The following BPTF variants were observed in gnomAD, a reference collection of about 807,000 sequenced individuals.
The protein encoded by BPTF is bromodomain PHD finger transcription factor.
In BPTF, 18 loss-of-function variants were observed where a neutral mutation model predicts 292.5. That is an observed-to-expected ratio of 0.06 (90% CI 0.04 to 0.09). The LOEUF (loss-of-function observed/expected upper bound fraction) is 0.09. BPTF is among the 10% of genes least tolerant of loss of function. The probability of loss-of-function intolerance (pLI) is 1.00; values close to 1 mark genes in which losing one functional copy is unlikely to be tolerated. For synonymous variants in BPTF, 1,225 were observed against 1,251.9 expected (o/e 0.98, Z 0.45); for missense variants, 2,726 against 3,498.7 (o/e 0.78, Z 5.57).
At chr17:67,883,351 A>G (rs1299265985) in intron 4 of BPTF, among the ~76,000 whole-genome samples, 1 of 152,184 alleles carries the variant, frequency 6.6e-6, no homozygotes, top group Non-Finnish European at 1.5e-5. Context: ...TTGTGTAGTT[A>G]TGCACAACTT....
chr17:67,928,272 A>G, intron 15 of BPTF, 83 bp from the exon 16 acceptor site: 2 of 1,409,364 alleles, frequency 1.4e-6, no homozygotes, highest in Non-Finnish European at 1.9e-6. Context: ...GGTGAGAGAA[A>G]TTGTGGACAG....
rs1455091785 is a variant in BPTF, at chr17:67,886,367, TC to T, written c.1865-5476del. On this transcript the variant is annotated intron_variant, in intron 4 of 27. Coordinates refer to ENST00000306378, the MANE Select transcript of BPTF (RefSeq NM_182641.4). ...TTAAAGGGAAGTTTTTTCTTTTTTTTCTTTTTTTTGTGTGTGTGTGTGTGGT... is the reference window on the plus strand; with the variant it reads ...TTAAAGGGAAGTTTTTTCTTTTTTTTTTTTTTTTGTGTGTGTGTGTGTGGT... 7.5e-6 allele frequency: 10 copies of T among 1,341,842 alleles called. No homozygotes were observed. In the East Asian group the frequency reaches 2.5e-4, roughly 34 times the overall value. The allele number at this position is 1,341,842 out of a possible 1,614,324, so 83.1% of individuals were successfully genotyped here.
intron 4 of BPTF, among the ~76,000 whole-genome samples, chr17:67,877,370 A>T (rs1399492561): frequency 6.6e-6 from 1 of 152,188 alleles, no homozygotes; most frequent in South Asian, 2.1e-4. Flanking sequence ...ACACTTTGTG[A>T]TGTCCCTGGA....
chr17:67,955,882 C>T (rs1314637353), intron 23 of BPTF: 12 of 152,046 alleles, frequency 7.9e-5, no homozygotes, highest in Admixed American at 2.6e-4. Flanking sequence ...AGGTGTGGCT[C>T]ATGGCCTGTA....
intron 7 of BPTF, among the ~76,000 whole-genome samples, chr17:67,899,645 C>T (rs983653308): frequency 6.6e-6 from 1 of 151,716 alleles, no homozygotes; most frequent in South Asian, 2.1e-4. Flanking sequence ...ATTCTCCTGC[C>T]TCAGCCTCCT....
At position 67,912,207 on chromosome 17, in the gene BPTF, TAATATA is replaced by T; in HGVS notation, c.4328_4333del (p.Ile1443_Asn1444del). ...GTGGTAATGTTGAACCAAAGGTTAA[TAATATA>T]AATAAAATAATCCCTGAGAATGATA... On this transcript the variant is annotated inframe_deletion, in exon 11 of 28. Coordinates refer to ENST00000306378, the MANE Select transcript of BPTF (RefSeq NM_182641.4). 1 of 1,608,598 alleles carries T rather than the reference TAATATA, an allele frequency of 6.2e-7. No individual in the cohort carries two copies. Among genetic ancestry groups the T allele is most frequent in the Non-Finnish European group, 8.5e-7 (1 of 1,177,274 alleles).
At chr17:67,898,902 A>G (rs2061630858) in intron 7 of BPTF, among the ~76,000 whole-genome samples, 1 of 148,666 alleles carries the variant, frequency 6.7e-6, no homozygotes, top group Admixed American at 6.8e-5. Context: ...AGCATGGGCA[A>G]CAGAGTGATA....
intron 3 of BPTF, among the ~76,000 whole-genome samples, chr17:67,874,189 G>A (rs1333481142): frequency 6.6e-6 from 1 of 152,172 alleles, no homozygotes; most frequent in African/African-American, 2.4e-5. Context: ...TGTACACTGT[G>A]GTCCTTCTGT....
At chr17:67,970,933 G>A (rs74440135) in intron 26 of BPTF, among the ~76,000 whole-genome samples, 2,581 of 152,260 alleles carry the variant, frequency 0.017, 71 homozygotes, top group African/African-American at 0.054. Flanking sequence ...CAGTCTCCAG[G>A]TGAAAGGGTC....
Position 67,879,386 on chromosome 17 carries a change from C to T in BPTF, c.1864+4366C>T, listed in dbSNP as rs564959583. ...TGAACTCCTGACCTCATGATCCACC[C>T]GCCTCAGCCTCCCAAAGTGCTGGGA... On this transcript the variant is annotated intron_variant, in intron 4 of 27. Coordinates refer to ENST00000306378, the MANE Select transcript of BPTF (RefSeq NM_182641.4). 4.6e-5 allele frequency among the ~76,000 whole-genome samples: 7 copies of T among 152,154 alleles called. No individual in the cohort carries two copies. The South Asian group carries it at 8.3e-4, about 18-fold the overall frequency.
chr17:67,974,707 G>A (rs1470206274), intron 26 of BPTF: 2 of 152,418 alleles, frequency 1.3e-5, no homozygotes, highest in Non-Finnish European at 2.9e-5. Context: ...AAAGGATTCC[G>A]ATGAACACCA....
At chr17:67,982,043 C>A in intron 27 of BPTF, 2 of 269,962 alleles carry the variant, frequency 7.4e-6, no homozygotes, top group Non-Finnish European at 1.5e-5. Context: ...TGGCTTTTTC[C>A]AGTGAGCTAT....
chr17:67,969,999 C>T (rs1481102276), intron 26 of BPTF, among the ~76,000 whole-genome samples: 1 of 151,904 alleles, frequency 6.6e-6, no homozygotes, highest in East Asian at 1.9e-4. Context: ...TTTGGGAGGC[C>T]GAGGCAGGCA....
intron 26 of BPTF, 34 bp from the exon 27 acceptor site, chr17:67,975,738 G>C: frequency 1.3e-6 from 2 of 1,563,896 alleles, no homozygotes; most frequent in Middle Eastern, 1.7e-4. Context: ...AAACCTTAAA[G>C]CTCTGAAAAT....
chr17:67,868,863 G>T (rs1383290365), intron 3 of BPTF, among the ~76,000 whole-genome samples: 1 of 151,958 alleles, frequency 6.6e-6, no homozygotes, highest in Non-Finnish European at 1.5e-5. Flanking sequence ...AATACTGTTG[G>T]GCACAAATAT....
At chr17:67,916,765 CAAAAAAAA>C (rs768285922) in intron 11 of BPTF, among the ~76,000 whole-genome samples, 4 of 56,382 alleles carry the variant, frequency 7.1e-5, no homozygotes, top group Non-Finnish European at 1.6e-4. Flanking sequence ...TACTCTGTCT[CAAAAAAAA>C]AAAAAAAAAA....
chr17:67,959,568 A>G lies in BPTF; in HGVS notation c.7954A>G (p.Lys2652Glu). The change falls in exon 24 of 28, where the codon AAG becomes GAG. Residue 2652 changes from lysine (K) to glutamate (E), a missense_variant. Around this residue, in one of 22 missense-constraint regions of BPTF, gnomAD observed 148 missense variants for 145.5 expected, o/e 1.02. Coordinates refer to ENST00000306378, the MANE Select transcript of BPTF (RefSeq NM_182641.4). ...AGAGCTGAAGAGAGACCTGAAAATT[A>G]AGAAAGAAAAAGACCTGATGCAGTT... ...QEELKRDLKIKKEKDLMQLAQ... is the reference protein window; with the variant it reads ...QEELKRDLKIEKEKDLMQLAQ... 1 of 1,526,648 alleles carries G rather than the reference A, an allele frequency of 6.6e-7. No homozygotes were observed. The highest frequency in any genetic ancestry group is 8.8e-7 in the Non-Finnish European group (1 of 1,142,636). 94.6% of individuals were successfully genotyped at this position (1,526,648 alleles called of 1,614,324 possible).
chr17:67,936,979 A>G (rs1306242056), intron 18 of BPTF, among the ~76,000 whole-genome samples: 1 of 152,218 alleles, frequency 6.6e-6, no homozygotes, highest in African/African-American at 2.4e-5. Context: ...AGTACTACCT[A>G]TGTGCCAGAT....
intron 23 of BPTF, among the ~76,000 whole-genome samples, chr17:67,958,237 TGGGA>T (rs2067135130): frequency 6.6e-6 from 1 of 150,544 alleles, no homozygotes; most frequent in Non-Finnish European, 1.5e-5. Flanking sequence ...GAGGCTGAGG[TGGGA>T]GGATCACTTG....
Sources: allele counts gnomAD v4.1 joint callset (sites outside exome capture counted in the v4.1 genomes callset), GRCh38; gene constraint gnomAD v4.1.1; regional missense constraint gnomAD v4.1.1; transcripts MANE v1.5; gene names NCBI Gene and HGNC (gene_info 2026-07-23, HGNC 2026-07-21).